IGSF9: variants seen among roughly 807,000 people sequenced by gnomAD.
IGSF9 encodes immunoglobulin superfamily member 9.
IGSF9 carries 87 observed loss-of-function variants against 121.7 expected under a neutral mutation model. The ratio of observed to expected loss-of-function variants is 0.71; its 90% CI spans 0.60 to 0.85. The LOEUF (loss-of-function observed/expected upper bound fraction) is 0.85, where lower values mean the gene tolerates loss of function less well. Among genes scored for constraint, IGSF9 ranks in the 40% least tolerant of loss-of-function variants. IGSF9 has a pLI of 0.00. For synonymous variants in IGSF9, 640 were observed against 648.4 expected, an observed-to-expected ratio of 0.99 and a Z score of 0.20; for missense variants, 1,462 against 1,565.3, an observed-to-expected ratio of 0.93 and a Z score of 1.11.
chr1:159,927,510 C>T lies in IGSF9; in HGVS notation c.3375G>A (p.Glu1125=). 6.2e-7 allele frequency: 1 copy of T among 1,612,880 alleles called. No individual in the cohort carries two copies. Among genetic ancestry groups the T allele is most frequent in the Non-Finnish European group, 8.5e-7 (1 of 1,179,078 alleles). The change falls in exon 21 of 21, where the codon GAG becomes GAA. Residue 1125 remains glutamate, a synonymous_variant. Transcript: ENST00000368094. The part of the protein sequence containing the change: ...AEPELGVKTP[E]EGCLLNTAHV... ...GGGCAGTGTTCAGGAGGCAGCCCTC[C>T]TCTGGAGTCTTCACACCTGCAAGAG...
At position 159,931,673 on chromosome 1, in the gene IGSF9, C is replaced by T; in HGVS notation, c.1363-70G>A. ...TCACCAAAGGCGCCCCTCATCTCTC[C>T]AGGCAGCTCCAGTTCCTCCCCACCC... On this transcript the variant is annotated intron_variant, in intron 11 of 20. Transcript: ENST00000368094. This position sits in a 1 kb window ranked among gnomAD's most constrained non-coding sequence, Gnocchi z 4.8. The T allele has an allele frequency of 6.4e-7, 1 of 1,564,422 alleles. No homozygotes were observed. Among genetic ancestry groups the T allele is most frequent in the Non-Finnish European group, 8.7e-7 (1 of 1,147,784 alleles).
At chr1:159,939,225 A>T (rs937888546) in intron 3 of IGSF9, among the ~76,000 whole-genome samples, 1 of 151,990 alleles carries the variant, frequency 6.6e-6, no homozygotes, top group Non-Finnish European at 1.5e-5. Flanking sequence ...GCTATGAACA[A>T]ATGGAGCTTT....
In IGSF9 at chr1:159,929,736, A is replaced by C. The variant is rs890318742; in HGVS notation, c.2228T>G (p.Val743Gly). 2.5e-6 allele frequency: 4 copies of C among 1,601,732 alleles called. No individual in the cohort carries two copies. The highest frequency in any genetic ancestry group is 3.4e-6 in the Non-Finnish European group (4 of 1,175,260). Reference sequence around the variant, plus strand: ...AAGGACGGCCACTCCCAGAAAGCAGACTCCGCCCACCACGCCGGCCAGCAC... The same window carrying C: ...AAGGACGGCCACTCCCAGAAAGCAGCCTCCGCCCACCACGCCGGCCAGCAC... Reference protein sequence around the residue: ...QPVLAGVVGGVCFLGVAVLVS... With the variant: ...QPVLAGVVGGGCFLGVAVLVS... The change falls in exon 17 of 21, where the codon GTC (valine) becomes GGC (glycine). Residue 743 changes from valine to glycine, a missense_variant. Physicochemically the swap from Val to Gly is moderately radical, Grantham distance 109. Transcript: ENST00000368094.
chr1:159,928,409 C>G lies in IGSF9; in HGVS notation c.2979G>C (p.Glu993Asp), dbSNP rs1164015322. Residue 993 changes from glutamate (E) to aspartate (D), a missense_variant, in exon 19 of 21, where the codon GAG becomes GAC. Glu to Asp is a conservative substitution (Grantham distance 45, BLOSUM62 2). Transcript: ENST00000368094. ...AGTCAGCCAGGGCTGTGTAAGGGGG[C>G]TCTGCAGTGGCCCCAGCCCCTACCA... The part of the protein sequence containing the change: ...GAVVGAGATA[E>D]PPYTALADWT... 2.4e-5 allele frequency: 38 copies of G among 1,602,944 alleles called. No individual in the cohort carries two copies. The highest frequency in any genetic ancestry group is 3.2e-5 in the Non-Finnish European group (38 of 1,177,232).
At position 159,931,727 on chromosome 1, in the gene IGSF9, C is replaced by A; in HGVS notation, c.1362+85G>T. 1 of 1,471,724 alleles carries A rather than the reference C, an allele frequency of 6.8e-7. No homozygotes were observed. Among genetic ancestry groups the A allele is most frequent in the Non-Finnish European group, 9.3e-7 (1 of 1,076,216 alleles). 91.2% of individuals were successfully genotyped at this position (1,471,724 alleles called of 1,614,324 possible). ...CTCTGACAGCCTTCTCCTTCCCACA[C>A]CCTCCCTCCCACAAAATGGCTGGGG... On this transcript the variant is annotated intron_variant, in intron 11 of 20. Coordinates refer to ENST00000368094, the MANE Select transcript of IGSF9 (RefSeq NM_001135050.2). This position sits in a 1 kb window ranked among gnomAD's most constrained non-coding sequence, Gnocchi z 4.8.
chr1:159,931,239 G>A lies in IGSF9; in HGVS notation c.1536C>T (p.Thr512=), dbSNP rs1347167161. 6.2e-7 allele frequency: 1 copy of A among 1,614,110 alleles called. No individual in the cohort carries two copies. Among genetic ancestry groups the A allele is most frequent in the East Asian group, 2.2e-5 (1 of 44,886 alleles). Reference sequence around the variant, plus strand: ...TGGGCAAAGCCACCACGGACACATTGGTGACAACATGAGGGCTAGTGCCTA... The same window carrying A: ...TGGGCAAAGCCACCACGGACACATTAGTGACAACATGAGGGCTAGTGCCTA... ...YVLGTSPHVV[T]NVSVVALPKG... The change falls in exon 13 of 21, where the codon ACC becomes ACT. Residue 512 remains threonine (T), a synonymous_variant. Coordinates refer to ENST00000368094, the MANE Select transcript of IGSF9 (RefSeq NM_001135050.2). This position sits in a 1 kb window ranked among gnomAD's most constrained non-coding sequence, Gnocchi z 4.8.
Position 159,929,794 on chromosome 1 carries a change from G to A in IGSF9, c.2170C>T (p.Arg724Cys). The A allele has an allele frequency of 6.2e-7, 1 of 1,605,424 alleles. No individual in the cohort carries two copies. The highest frequency in any genetic ancestry group is 8.5e-7 in the Non-Finnish European group (1 of 1,176,902). The change falls in exon 17 of 21, where the codon CGC (arginine) becomes TGC (cysteine). Residue 724 changes from arginine (R) to cysteine (C), a missense_variant. By Grantham distance (180) the Arg-to-Cys change is radical (BLOSUM62 -3). Transcript: ENST00000368094. ...STSGLEVYPS[R>C]TQLPGLLPQP... Reference sequence around the variant, plus strand: ...GGCAGGAGGCCCGGCAGCTGCGTGCGCGAAGGGTAGACCTCCAGACCTAGG... The same window carrying A: ...GGCAGGAGGCCCGGCAGCTGCGTGCACGAAGGGTAGACCTCCAGACCTAGG...
intron 18 of IGSF9, 112 bp from the exon 19 acceptor site, chr1:159,929,130 A>T (rs543297235): frequency 1.4e-4 from 196 of 1,413,168 alleles, no homozygotes; most frequent in Non-Finnish European, 1.3e-4. Context: ...AGGAAGAACA[A>T]GCGAGGAAAG....
intron 14 of IGSF9, 70 bp downstream of exon 14, chr1:159,930,622 C>T: frequency 6.3e-7 from 1 of 1,597,138 alleles, no homozygotes; most frequent in Non-Finnish European, 8.6e-7. Context: ...CAGGGCCTCC[C>T]ATATCCCAGC....
At chr1:159,934,968 TC>T in intron 6 of IGSF9, 146 bp from the exon 7 acceptor site, 2 of 842,208 alleles carry the variant, frequency 2.4e-6, no homozygotes, top group Non-Finnish European at 3.6e-6. Context: ...AGCAGAAGCT[TC>T]CCCCTGTATG....
At chr1:159,927,938 G>A (rs1474824101) in intron 19 of IGSF9, 51 bp from the exon 20 acceptor site, 2 of 1,587,742 alleles carry the variant, frequency 1.3e-6, no homozygotes, top group South Asian at 2.3e-5. Context: ...GAGGAATAGA[G>A]GCTGTTCAGA....
In IGSF9 at chr1:159,929,653, T is replaced by TGCG. The variant is rs748316982; in HGVS notation, c.2308_2310dup (p.Arg770dup). 223 of 1,594,550 alleles carry TGCG rather than the reference T, an allele frequency of 1.4e-4. No homozygotes were observed. In the South Asian group the frequency reaches 1.7e-3, roughly 12 times the overall value. On this transcript the variant is annotated inframe_insertion, in exon 17 of 21. Transcript: ENST00000368094. ...AGGGACTTACCTTGGCGGAGGCGCT[T>TGCG]GCGGCGGCGGCGGGCAGCCCTGCGC... is the stretch of plus-strand genomic sequence containing the variant.
Position 159,932,836 on chromosome 1 carries a change from CT to C in IGSF9, c.1105-185del. 1.7e-6 allele frequency: 1 copy of C among 597,748 alleles called. No individual in the cohort carries two copies. 37.0% of individuals were successfully genotyped at this position (597,748 alleles called of 1,614,324 possible). A position where few individuals can be genotyped will look rare whatever the true frequency, so the allele number is the denominator to read the frequency against. Reference sequence around the variant, plus strand: ...TCCTTTCCTTCCTGCAGAGGGACCCCTCCCAATAGTGTGAGGCTGTGACTGC... The same window carrying C: ...TCCTTTCCTTCCTGCAGAGGGACCCCCCCAATAGTGTGAGGCTGTGACTGC... On this transcript the variant is annotated intron_variant, in intron 9 of 20. Transcript: ENST00000368094. The surrounding 1 kb of genome is among the most constrained non-coding windows in gnomAD (Gnocchi z 4.1).
rs1247584070 is a variant in IGSF9, at chr1:159,927,093, C to CAGAGAG, written c.*251_*252insCTCTCT. On this transcript the variant is annotated 3_prime_UTR_variant, in exon 21 of 21. Coordinates refer to ENST00000368094, the MANE Select transcript of IGSF9 (RefSeq NM_001135050.2). ...AAAAAACTTCACACACACACACACA[C>CAGAGAG]ACACAGAGAGAGAGAGAGAGAGAGA... is the stretch of plus-strand genomic sequence containing the variant. The CAGAGAG allele has an allele frequency of 2.4e-5, 13 of 535,850 alleles. No homozygotes were observed. Among genetic ancestry groups the CAGAGAG allele is most frequent in the African/African-American group, 1.3e-4 (6 of 47,082 alleles). 33.2% of individuals were successfully genotyped at this position (535,850 alleles called of 1,614,324 possible). A position where few individuals can be genotyped will look rare whatever the true frequency, so the allele number is the denominator to read the frequency against.
rs146918168 is a variant in IGSF9 at position 159,943,061 on chromosome 1, G to C, written c.149C>G (p.Pro50Arg). 113 of 1,611,658 alleles carry C rather than the reference G, an allele frequency of 7.0e-5. 1 individual carries two copies. In the Middle Eastern group the frequency reaches 5.3e-3, roughly 75 times the overall value. The part of the protein sequence containing the change: ...GCDLLPPAGR[P>R]PLHVIEWLRF... ...CAGCCACTCGATGACATGCAGGGGG[G>C]GCCGGCCGGCCGGGGGCAGCAGGTC... Residue 50 changes from proline (P) to arginine (R), a missense_variant, in exon 3 of 21, where the codon CCC becomes CGC. Pro to Arg is a moderately radical substitution (Grantham distance 103). This residue lies in a region of IGSF9 where 558 missense variants were observed against 599.4 expected (regional missense o/e 0.93). Coordinates refer to ENST00000368094, the MANE Select transcript of IGSF9 (RefSeq NM_001135050.2).
chr1:159,943,312 A>G (rs754239381), intron 2 of IGSF9, 85 bp downstream of exon 2: 37 of 1,402,144 alleles, frequency 2.6e-5, no homozygotes, highest in Non-Finnish European at 3.3e-5. Context: ...CTGCCCTCAC[A>G]TGCTCAAAGA....
rs142213601 is a variant in IGSF9 at position 159,937,768 on chromosome 1, G to T, written c.318C>A (p.Tyr106Ter). The change falls in exon 4 of 21, where the codon TAC becomes TAA. Residue 106 changes from tyrosine (Y) to a stop codon, truncating the protein, a stop_gained. Transcript: ENST00000368094. LOFTEE classifies it high-confidence loss of function. Reference sequence around the variant, plus strand: ...GGTCCAGGAAGAACACGCGGCACTCGTACCAGCCCTGGTCTTCCACCCGGA... The same window carrying T: ...GGTCCAGGAAGAACACGCGGCACTCTTACCAGCCCTGGTCTTCCACCCGGA... ...EGLRVEDQGW[Y>*]ECRVFFLDQH... is the part of the protein sequence containing the mutation. 3.0e-5 allele frequency: 48 copies of T among 1,614,038 alleles called. No homozygotes were observed. The highest frequency in any genetic ancestry group is 4.0e-5 in the Non-Finnish European group (47 of 1,179,964).
Position 159,932,776 on chromosome 1 carries a change from T to G in IGSF9, c.1105-124A>C, listed in dbSNP as rs1055086144. ...TGTGCAGAAGACTCCAGCAGCTCCATGTCTAGGCCTGACCCCTCTCTGATT... is the reference window on the plus strand; with the variant it reads ...TGTGCAGAAGACTCCAGCAGCTCCAGGTCTAGGCCTGACCCCTCTCTGATT... On this transcript the variant is annotated intron_variant, in intron 9 of 20. Transcript: ENST00000368094. This position sits in a 1 kb window ranked among gnomAD's most constrained non-coding sequence, Gnocchi z 4.1. 2.2e-6 allele frequency: 2 copies of G among 900,294 alleles called. No individual in the cohort carries two copies. The highest frequency in any genetic ancestry group is 5.9e-5 in the Admixed American group (2 of 33,668). The allele number at this position is 900,294 out of a possible 1,614,324, so 55.8% of individuals were successfully genotyped here.
rs771425620 is a variant in IGSF9 at position 159,934,511 on chromosome 1, T to C, written c.875A>G (p.Gln292Arg). The change falls in exon 8 of 21, where the codon CAG (glutamine) becomes CGG (arginine). Residue 292 changes from glutamine (Q) to arginine (R), a missense_variant. Coordinates refer to ENST00000368094, the MANE Select transcript of IGSF9 (RefSeq NM_001135050.2). ...GGTGTAGCAGCCGGCATCATCAGGC[T>C]GGGTGGCCAGCAGCCGCAGGCTCCC... ...VDGSLRLLAT[Q>R]PDDAGCYTCV... is the part of the protein sequence containing the mutation. 6.2e-7 allele frequency: 1 copy of C among 1,613,294 alleles called. No individual in the cohort carries two copies. Among genetic ancestry groups the C allele is most frequent in the South Asian group, 1.1e-5 (1 of 91,022 alleles).
Sources: gnomAD v4.1 joint callset for allele counts (sites outside exome capture counted in the v4.1 genomes callset) on GRCh38, gnomAD v4.1.1 for gene constraint, gnomAD v4.1.1 regional missense constraint, Gnocchi (gnomAD v3.1) non-coding constraint, MANE v1.5 for transcripts, NCBI Gene and HGNC (gene_info 2026-07-23, HGNC 2026-07-21) for gene names.